Variants in UBE2W observed in about 807,000 individuals in gnomAD.
UBE2W encodes the protein ubiquitin-conjugating enzyme E2 W.
In UBE2W, 18 loss-of-function variants were observed where a neutral mutation model predicts 27.2. The observed-to-expected ratio is 0.66, with a 90% CI of 0.46 to 0.98. UBE2W has a LOEUF of 0.98. Among genes scored for constraint, UBE2W ranks in the 50% least tolerant of loss-of-function variants. The pLI, the probability that UBE2W is intolerant of heterozygous loss-of-function variation, is 0.00. For synonymous variants in UBE2W, 53 were observed against 57.2 expected, an observed-to-expected ratio of 0.93 and a Z score of 0.33; for missense variants, 90 against 180.2, an observed-to-expected ratio of 0.50 and a Z score of 2.87.
At chr8:73,849,512 C>CAAAAAAAAAAAAAAAAAAAA (rs71269951) in intron 1 of UBE2W, among the ~76,000 whole-genome samples, 1 of 22,772 alleles carries the variant, frequency 4.4e-5, no homozygotes, top group African/African-American at 1.5e-4. Flanking sequence ...AACTCCATCT[C>CAAAAAAAAAAAAAAAAAAAA]AAAAAAAAAA....
At chr8:73,842,516 G>T (rs539670088) in intron 1 of UBE2W, among the ~76,000 whole-genome samples, 1 of 106,990 alleles carries the variant, frequency 9.3e-6, no homozygotes, top group Non-Finnish European at 1.7e-5. Flanking sequence ...GCGACAGAGG[G>T]AGACTCCGTC....
At chr8:73,804,724 C>CT (rs530482301) in intron 5 of UBE2W, among the ~76,000 whole-genome samples, 71 of 145,350 alleles carry the variant, frequency 4.9e-4, no homozygotes, top group Middle Eastern at 7.1e-3. Flanking sequence ...GTAACTAGTT[C>CT]TTTTTTTTTT....
At chr8:73,827,974 T>C (rs1251711702) in intron 2 of UBE2W, among the ~76,000 whole-genome samples, 3 of 152,266 alleles carry the variant, frequency 2.0e-5, no homozygotes, top group African/African-American at 4.8e-5. Flanking sequence ...CTAGTCATTT[T>C]GCTGTTTCCT....
intron 1 of UBE2W, among the ~76,000 whole-genome samples, chr8:73,871,977 C>T (rs983280469): frequency 2.0e-5 from 3 of 152,202 alleles, no homozygotes; most frequent in East Asian, 3.9e-4. Context: ...ACTGTAGCCT[C>T]GAACTCCCTG....
Position 73,791,620 on chromosome 8 carries a change from A to G in UBE2W, c.*2482T>C, listed in dbSNP as rs1234230600. 2 of 984,962 alleles carry G rather than the reference A, an allele frequency of 2.0e-6. No individual in the cohort carries two copies. The highest frequency in any genetic ancestry group is 3.5e-5 in the African/African-American group (2 of 57,200). 61.0% of individuals were successfully genotyped at this position (984,962 alleles called of 1,614,324 possible). A position where few individuals can be genotyped will look rare whatever the true frequency, so the allele number is the denominator to read the frequency against. ...TCTCTGTAGAGCAATGACTCAGATA[A>G]ATGCCTTATGACTTTTAATAATGTA... On this transcript the variant is annotated 3_prime_UTR_variant, in exon 6 of 6. Coordinates refer to ENST00000602593, the MANE Select transcript of UBE2W (RefSeq NM_018299.6).
At chr8:73,878,595 T>C (rs999272236) in intron 1 of UBE2W, among the ~76,000 whole-genome samples, 2 of 152,090 alleles carry the variant, frequency 1.3e-5, no homozygotes, top group Admixed American at 1.3e-4. Flanking sequence ...GGCCGGCTGG[T>C]GTCCGCTTCG....
intron 1 of UBE2W, among the ~76,000 whole-genome samples, chr8:73,874,259 G>A (rs985455525): frequency 9.9e-5 from 15 of 151,786 alleles, no homozygotes; most frequent in Admixed American, 3.3e-4. Flanking sequence ...GTGAAACCCC[G>A]TCTCTACTAA....
intron 1 of UBE2W, among the ~76,000 whole-genome samples, chr8:73,871,518 C>G (rs1812009393): frequency 1.3e-5 from 2 of 152,186 alleles, no homozygotes; most frequent in African/African-American, 4.8e-5. Flanking sequence ...TTCTTTATCT[C>G]TAATGAAGTT....
intron 1 of UBE2W, among the ~76,000 whole-genome samples, chr8:73,844,113 A>T (rs901946528): frequency 1.3e-4 from 20 of 152,162 alleles, no homozygotes; most frequent in African/African-American, 4.6e-4. Flanking sequence ...CCAAACTTAA[A>T]CATCACTGTG....
At chr8:73,829,928 C>A (rs1810004289) in intron 2 of UBE2W, among the ~76,000 whole-genome samples, 1 of 152,114 alleles carries the variant, frequency 6.6e-6, no homozygotes, top group Non-Finnish European at 1.5e-5. Flanking sequence ...TATTAAATGA[C>A]TGCTGAGAGT....
chr8:73,875,594 AAC>A (rs1274810034), intron 1 of UBE2W, among the ~76,000 whole-genome samples: 1 of 116,884 alleles, frequency 8.6e-6, no homozygotes, highest in African/African-American at 3.5e-5. Flanking sequence ...CAGCAGCAGC[AAC>A]ATCCTGGTGT....
At chr8:73,867,046 A>G (rs1321005839) in intron 1 of UBE2W, among the ~76,000 whole-genome samples, 1 of 152,112 alleles carries the variant, frequency 6.6e-6, no homozygotes, top group African/African-American at 2.4e-5. Context: ...GTAATAAATA[A>G]TGTCTAATAA....
intron 1 of UBE2W, among the ~76,000 whole-genome samples, chr8:73,866,748 C>T (rs1187563755): frequency 6.6e-6 from 1 of 151,642 alleles, no homozygotes; most frequent in African/African-American, 2.4e-5. Flanking sequence ...TGAAAACAGC[C>T]CACAGAAAAA....
intron 1 of UBE2W, among the ~76,000 whole-genome samples, chr8:73,850,723 A>ATT (rs201829108): frequency 8.7e-5 from 10 of 115,350 alleles, no homozygotes; most frequent in African/African-American, 3.4e-4. Flanking sequence ...TCAGCAGGAC[A>ATT]TTAAAAAAAA....
chr8:73,851,149 C>G (rs571326720), intron 1 of UBE2W, among the ~76,000 whole-genome samples: 1 of 151,864 alleles, frequency 6.6e-6, no homozygotes, highest in East Asian at 1.9e-4. Context: ...CCATGCCCAG[C>G]GTCACCTATG....
chr8:73,842,422 G>C (rs901107107), intron 1 of UBE2W, among the ~76,000 whole-genome samples: 1 of 150,850 alleles, frequency 6.6e-6, no homozygotes, highest in African/African-American at 2.4e-5. Context: ...CCAGCTATTC[G>C]GGAGGCTGAG....
At chr8:73,832,112 A>C (rs1339484459) in intron 1 of UBE2W, among the ~76,000 whole-genome samples, 1 of 146,260 alleles carries the variant, frequency 6.8e-6, no homozygotes, top group Non-Finnish European at 1.5e-5. Context: ...CTCTACAAAA[A>C]CAAACAAACA....
intron 2 of UBE2W, 49 bp from the exon 3 acceptor site, chr8:73,825,298 T>C: frequency 7.3e-7 from 1 of 1,372,832 alleles, no homozygotes; most frequent in African/African-American, 1.5e-5. Context: ...GAGACTGGGG[T>C]AAGGAGGAGA....
intron 4 of UBE2W, among the ~76,000 whole-genome samples, chr8:73,808,793 G>C (rs1370109312): frequency 6.6e-6 from 1 of 152,148 alleles, no homozygotes; most frequent in Non-Finnish European, 1.5e-5. Context: ...GGAATGATTA[G>C]TCTTATACTA....
Sources: gnomAD v4.1 joint callset for allele counts (sites outside exome capture counted in the v4.1 genomes callset) on GRCh38, gnomAD v4.1.1 for gene constraint, MANE v1.5 for transcripts, NCBI Gene and HGNC (gene_info 2026-07-23, HGNC 2026-07-21) for gene names.